The following ADAMTS3 variants were observed in gnomAD, a reference collection of about 807,000 sequenced individuals.
ADAMTS3 encodes the protein A disintegrin and metalloproteinase with thrombospondin motifs 3.
A neutral mutation model predicts 129.0 loss-of-function variants in ADAMTS3; 73 were observed. The ratio of observed to expected loss-of-function variants is 0.57; its 90% CI spans 0.47 to 0.69. ADAMTS3 has a LOEUF of 0.69. Ranked by LOEUF, ADAMTS3 falls within the 30% of genes least tolerant of loss-of-function variation. The probability of loss-of-function intolerance (pLI) is 0.00; values close to 1 mark genes in which losing one functional copy is unlikely to be tolerated. For synonymous variants in ADAMTS3, 477 were observed against 510.8 expected (o/e 0.93, Z 0.89); for missense variants, 1,457 against 1,514.5 (o/e 0.96, Z 0.63).
At chr4:72,523,829 T>C (rs965441615) in intron 3 of ADAMTS3, among the ~76,000 whole-genome samples, 1 of 152,134 alleles carries the variant, frequency 6.6e-6, no homozygotes, top group Non-Finnish European at 1.5e-5. Flanking sequence ...TGCAAGATTA[T>C]ATGTCTATTT....
rs112228733 is a variant in ADAMTS3 at position 72,327,008 on chromosome 4, A to C, written c.862-3911T>G. The stretch of plus-strand genomic sequence containing the variant: ...TTTCCTATATTTACACATAAATGAA[A>C]CAATCTCCTTGAAATTAAATAAGAA... On this transcript the variant is annotated intron_variant, in intron 5 of 21. Transcript: ENST00000286657. Among the ~76,000 whole-genome samples the C allele has an allele frequency of 1.6e-3, 240 of 152,302 alleles. 2 individuals carry two copies. Among genetic ancestry groups the C allele is most frequent in the African/African-American group, 5.6e-3 (232 of 41,572 alleles).
At chr4:72,445,478 A>G (rs1718226504) in intron 3 of ADAMTS3, among the ~76,000 whole-genome samples, 1 of 151,700 alleles carries the variant, frequency 6.6e-6, no homozygotes, top group African/African-American at 2.4e-5. Context: ...GTCCTTAATA[A>G]TGAGTACTAT....
intron 15 of ADAMTS3, among the ~76,000 whole-genome samples, chr4:72,307,635 A>G (rs577957078): frequency 6.6e-6 from 1 of 152,192 alleles, no homozygotes; most frequent in East Asian, 1.9e-4. Flanking sequence ...TGAAGTCACA[A>G]TGCATTTGTA....
chr4:72,413,796 C>A (rs1284745224), intron 4 of ADAMTS3, among the ~76,000 whole-genome samples: 1 of 151,930 alleles, frequency 6.6e-6, no homozygotes, highest in Non-Finnish European at 1.5e-5. Flanking sequence ...TCTACAGTGA[C>A]TCTCTAAGCT....
At chr4:72,311,455 A>G (rs7668659) in intron 13 of ADAMTS3, among the ~76,000 whole-genome samples, 2,588 of 152,218 alleles carry the variant, frequency 0.017, 64 homozygotes, top group African/African-American at 0.056. Flanking sequence ...GGACTGCCCC[A>G]GGCAACCCTA....
intron 20 of ADAMTS3, among the ~76,000 whole-genome samples, chr4:72,289,195 A>G (rs555903325): frequency 6.6e-6 from 1 of 152,204 alleles, no homozygotes; most frequent in South Asian, 2.1e-4. Flanking sequence ...AAGTGTATAA[A>G]GCAGTAACAA....
At chr4:72,444,690 C>T (rs1344404346) in intron 3 of ADAMTS3, among the ~76,000 whole-genome samples, 1 of 151,642 alleles carries the variant, frequency 6.6e-6, no homozygotes, top group Non-Finnish European at 1.5e-5. Context: ...ATAGCATAGG[C>T]TACGTATTTG....
At chr4:72,392,915 A>ATTTTTTTTTTTTTTTTT (rs36046621) in intron 4 of ADAMTS3, among the ~76,000 whole-genome samples, 2 of 139,852 alleles carry the variant, frequency 1.4e-5, no homozygotes, top group African/African-American at 2.6e-5. Context: ...TACCCATCGG[A>ATTTTTTTTTTTTTTTTT]TTTTTTTTTT....
chr4:72,366,436 G>T (rs1720870676), intron 4 of ADAMTS3, among the ~76,000 whole-genome samples: 1 of 152,080 alleles, frequency 6.6e-6, no homozygotes, highest in African/African-American at 2.4e-5. Flanking sequence ...TTTCAGTTGG[G>T]CTCTGCTTAG....
At chr4:72,334,736 T>G (rs542449900) in intron 5 of ADAMTS3, among the ~76,000 whole-genome samples, 62 of 152,282 alleles carry the variant, frequency 4.1e-4, no homozygotes, top group African/African-American at 1.3e-3. Flanking sequence ...ATGTTACAAG[T>G]TAGTAAAACT....
intron 3 of ADAMTS3, among the ~76,000 whole-genome samples, chr4:72,446,554 T>C (rs541255554): frequency 4.6e-5 from 7 of 151,682 alleles, no homozygotes; most frequent in African/African-American, 1.7e-4. Context: ...CTATTTCACA[T>C]GGAAAACCAA....
At chr4:72,496,252 T>C (rs895781425) in intron 3 of ADAMTS3, among the ~76,000 whole-genome samples, 1 of 152,180 alleles carries the variant, frequency 6.6e-6, no homozygotes, top group Admixed American at 6.5e-5. Context: ...GGTTTTCTAG[T>C]CATACCTTCA....
At chr4:72,449,860 CT>C (rs1463300101) in intron 3 of ADAMTS3, among the ~76,000 whole-genome samples, 1 of 151,676 alleles carries the variant, frequency 6.6e-6, no homozygotes, top group South Asian at 2.1e-4. Flanking sequence ...CTGGCACTTT[CT>C]TTTTTTTCAG....
chr4:72,316,091 C>T (rs1719388941), intron 10 of ADAMTS3, 120 bp from the exon 11 acceptor site: 1 of 475,672 alleles, frequency 2.1e-6, no homozygotes, highest in Non-Finnish European at 3.6e-6. Context: ...AAGTTAATAG[C>T]CAATGTTTTG....
chr4:72,463,467 T>TTATA (rs1381224941), intron 3 of ADAMTS3, among the ~76,000 whole-genome samples: 1 of 151,930 alleles, frequency 6.6e-6, no homozygotes, highest in African/African-American at 2.4e-5. Context: ...AAAGAAAAGA[T>TTATA]TATATCTAGA....
intron 5 of ADAMTS3, among the ~76,000 whole-genome samples, chr4:72,332,655 G>C (rs751692831): frequency 6.6e-6 from 1 of 152,084 alleles, no homozygotes; most frequent in Non-Finnish European, 1.5e-5. Context: ...ATAGATCTTA[G>C]CAAATAAAAA....
At chr4:72,525,356 G>C (rs1184328908) in intron 3 of ADAMTS3, among the ~76,000 whole-genome samples, 6 of 152,066 alleles carry the variant, frequency 3.9e-5, no homozygotes, top group Admixed American at 6.6e-5. Context: ...AATTATTAGA[G>C]GGACATTTGA....
rs755938005 is a variant in ADAMTS3, at chr4:72,319,315, T to C, written c.1352+17A>G. ...CTATAAAATAAATACTTTCATGACATGCAGCAGGGGACATACTGGATATAT... is the reference window on the plus strand; with the variant it reads ...CTATAAAATAAATACTTTCATGACACGCAGCAGGGGACATACTGGATATAT... On this transcript the variant is annotated intron_variant, in intron 9 of 21. Transcript: ENST00000286657. 5 of 1,613,412 alleles carry C rather than the reference T, an allele frequency of 3.1e-6. No homozygotes were observed. The highest frequency in any genetic ancestry group is 2.7e-5 in the African/African-American group (2 of 74,998).
At chr4:72,285,451 G>A (rs1718480162) in intron 21 of ADAMTS3, among the ~76,000 whole-genome samples, 1 of 152,044 alleles carries the variant, frequency 6.6e-6, no homozygotes, top group Admixed American at 6.5e-5. Flanking sequence ...TAGGTCTCAA[G>A]AGGAGAGGAC....
Sources: allele counts gnomAD v4.1 joint callset (sites outside exome capture counted in the v4.1 genomes callset), GRCh38; gene constraint gnomAD v4.1.1; transcripts MANE v1.5; gene names NCBI Gene and HGNC (gene_info 2026-07-23, HGNC 2026-07-21).